The following SLC24A3 variants were observed in gnomAD, a reference collection of about 807,000 sequenced individuals.
SLC24A3 encodes the protein solute carrier family 24 member 3.
Under a neutral mutation model 75.8 loss-of-function variants are expected in SLC24A3, and 28 were observed. The observed-to-expected ratio is 0.37, with a 90% CI of 0.27 to 0.51. SLC24A3 has a LOEUF of 0.51. Ranked by LOEUF, SLC24A3 falls within the 20% of genes least tolerant of loss-of-function variation. The pLI, the probability that SLC24A3 is intolerant of heterozygous loss-of-function variation, is 0.94. For synonymous variants in SLC24A3, 372 were observed against 334.1 expected (o/e 1.11, Z -1.24); for missense variants, 663 against 847.8 (o/e 0.78, Z 2.71).
chr20:19,277,901 C>T (rs7270123), intron 1 of SLC24A3, among the ~76,000 whole-genome samples: 6,937 of 152,250 alleles, frequency 0.046, 221 homozygotes, highest in Non-Finnish European at 0.07. Flanking sequence ...TCTTCCTGAG[C>T]ATTAAGATTA....
At chr20:19,528,635 A>T (rs915897911) in intron 3 of SLC24A3, among the ~76,000 whole-genome samples, 2 of 152,180 alleles carry the variant, frequency 1.3e-5, no homozygotes, top group Admixed American at 1.3e-4. Flanking sequence ...AGTGGATTCC[A>T]AAGGTGGTCA....
At chr20:19,639,888 A>G (rs948281146) in intron 6 of SLC24A3, among the ~76,000 whole-genome samples, 3 of 152,232 alleles carry the variant, frequency 2.0e-5, no homozygotes, top group African/African-American at 7.2e-5. Context: ...TAAGCCCCTC[A>G]TTACCTGGGC....
At chr20:19,476,460 T>A (rs149664965) in intron 2 of SLC24A3, among the ~76,000 whole-genome samples, 1 of 152,288 alleles carries the variant, frequency 6.6e-6, no homozygotes, top group East Asian at 1.9e-4. Context: ...TGATGATCTT[T>A]TAGATCAATA....
At chr20:19,672,456 T>A (rs2050644169) in intron 8 of SLC24A3, among the ~76,000 whole-genome samples, 1 of 152,040 alleles carries the variant, frequency 6.6e-6, no homozygotes, top group Non-Finnish European at 1.5e-5. Flanking sequence ...CGCCTCAGCC[T>A]CCCCATGTAG....
rs1016422877 is a variant in SLC24A3 at position 19,654,237 on chromosome 20, C to T, written c.687+101C>T. 3.6e-5 allele frequency: 38 copies of T among 1,041,744 alleles called. No homozygotes were observed. The African/African-American group carries it at 5.1e-4, about 14-fold the overall frequency. 64.5% of individuals were successfully genotyped at this position (1,041,744 alleles called of 1,614,324 possible). A position where few individuals can be genotyped will look rare whatever the true frequency, so the allele number is the denominator to read the frequency against. On this transcript the variant is annotated intron_variant, in intron 7 of 16. Coordinates refer to ENST00000328041, the MANE Select transcript of SLC24A3 (RefSeq NM_020689.4). ...GGAGTTCACTCGAGGTCACCGGTGG[C>T]GAGTGCGAGATGCATGTCTTTGCTT...
chr20:19,703,725 T>C (rs1349895351), intron 15 of SLC24A3, among the ~76,000 whole-genome samples: 1 of 152,232 alleles, frequency 6.6e-6, no homozygotes, highest in Non-Finnish European at 1.5e-5. Context: ...AGCTTTTGCT[T>C]GTACAGACTA....
At chr20:19,681,353 C>T (rs550202010) in intron 9 of SLC24A3, among the ~76,000 whole-genome samples, 36 of 152,294 alleles carry the variant, frequency 2.4e-4, no homozygotes, top group African/African-American at 7.7e-4. Context: ...GAGACCTAGA[C>T]GGCCAACCGG....
chr20:19,217,050 C>T (rs1981578765), intron 1 of SLC24A3, among the ~76,000 whole-genome samples: 1 of 152,238 alleles, frequency 6.6e-6, no homozygotes, highest in African/African-American at 2.4e-5. Flanking sequence ...CATGCGATCT[C>T]TTTATGTGGC....
At chr20:19,534,847 T>A (rs2030367955) in intron 3 of SLC24A3, among the ~76,000 whole-genome samples, 1 of 152,196 alleles carries the variant, frequency 6.6e-6, no homozygotes, top group African/African-American at 2.4e-5. Flanking sequence ...TTTTCCAAAC[T>A]GTTTTCTCAG....
chr20:19,253,266 A>T (rs1481668992), intron 1 of SLC24A3, among the ~76,000 whole-genome samples: 2 of 152,094 alleles, frequency 1.3e-5, no homozygotes, highest in Non-Finnish European at 1.5e-5. Context: ...AGTGCAAATG[A>T]CCTGCCACGC....
At chr20:19,300,643 A>T (rs1984172764) in intron 2 of SLC24A3, among the ~76,000 whole-genome samples, 1 of 152,120 alleles carries the variant, frequency 6.6e-6, no homozygotes, top group Admixed American at 6.5e-5. Context: ...CTCATAAAGG[A>T]TCTCCACTGT....
intron 3 of SLC24A3, among the ~76,000 whole-genome samples, chr20:19,567,751 C>T (rs2030983376): frequency 6.6e-6 from 1 of 152,144 alleles, no homozygotes; most frequent in African/African-American, 2.4e-5. Flanking sequence ...TTGACCATCA[C>T]ACACACATTA....
At chr20:19,444,736 AT>A (rs1452427293) in intron 2 of SLC24A3, among the ~76,000 whole-genome samples, 1 of 151,990 alleles carries the variant, frequency 6.6e-6, no homozygotes, top group Non-Finnish European at 1.5e-5. Flanking sequence ...GGCTTGATCA[AT>A]TTTATTGTCC....
At chr20:19,423,267 A>C (rs1049377906) in intron 2 of SLC24A3, among the ~76,000 whole-genome samples, 2 of 152,194 alleles carry the variant, frequency 1.3e-5, no homozygotes, top group Non-Finnish European at 2.9e-5. Context: ...GGCTGAGCTC[A>C]GAAGGGGCCA....
chr20:19,459,337 C>T (rs996176790), intron 2 of SLC24A3, among the ~76,000 whole-genome samples: 7 of 152,176 alleles, frequency 4.6e-5, no homozygotes, highest in Non-Finnish European at 7.3e-5. Flanking sequence ...CTCTACCCCC[C>T]TTGCAATCTA....
intron 3 of SLC24A3, among the ~76,000 whole-genome samples, chr20:19,519,132 A>G (rs2030054428): frequency 6.6e-6 from 1 of 152,038 alleles, no homozygotes; most frequent in Non-Finnish European, 1.5e-5. Flanking sequence ...CTCCAGTTTG[A>G]TCTGAAACCT....
chr20:19,672,386 G>T (rs530809695), intron 8 of SLC24A3, among the ~76,000 whole-genome samples: 3 of 152,088 alleles, frequency 2.0e-5, no homozygotes, highest in Admixed American at 6.6e-5. Context: ...CCAGGCTGTC[G>T]TGCAGTGGTG....
At chr20:19,323,434 A>T (rs944354864) in intron 2 of SLC24A3, among the ~76,000 whole-genome samples, 2 of 152,100 alleles carry the variant, frequency 1.3e-5, no homozygotes, top group African/African-American at 4.8e-5. Context: ...TTTCAACTAT[A>T]GTGGGTGTTT....
intron 2 of SLC24A3, among the ~76,000 whole-genome samples, chr20:19,420,098 G>A (rs1466508906): frequency 1.8e-5 from 1 of 55,890 alleles, no homozygotes; most frequent in African/African-American, 7.9e-5. Context: ...TTGTTCTTGC[G>A]ATAGTTTACT....
Sources: gnomAD v4.1 joint callset for allele counts (sites outside exome capture counted in the v4.1 genomes callset) on GRCh38, gnomAD v4.1.1 for gene constraint, MANE v1.5 for transcripts, NCBI Gene and HGNC (gene_info 2026-07-23, HGNC 2026-07-21) for gene names.